The following EFNA5 variants were observed in gnomAD, a reference collection of about 807,000 sequenced individuals.
EFNA5 encodes ephrin A5, also known as ephrin-A5.
A neutral mutation model predicts 22.9 loss-of-function variants in EFNA5; 5 were observed. That is an observed-to-expected ratio of 0.22 (90% CI 0.11 to 0.46). EFNA5 has a LOEUF of 0.46. Among genes scored for constraint, EFNA5 ranks in the 20% least tolerant of loss-of-function variants. The pLI is 0.99. For synonymous variants in EFNA5, 113 were observed against 112.2 expected (o/e 1.01, Z -0.04); for missense variants, 237 against 293.3 (o/e 0.81, Z 1.40).
chr5:107,378,283 C>T lies in EFNA5; in HGVS notation c.*2972G>A, dbSNP rs375752672. ...TAGTCTAAACTAACACGAACTGTTACCTGGTCTATTAAAGGATACACGGTA... is the reference window on the plus strand; with the variant it reads ...TAGTCTAAACTAACACGAACTGTTATCTGGTCTATTAAAGGATACACGGTA... On this transcript the variant is annotated 3_prime_UTR_variant, in exon 5 of 5. Transcript: ENST00000333274. 6.6e-6 allele frequency: 1 copy of T among 151,410 alleles called. No individual in the cohort carries two copies. 9.4% of individuals were successfully genotyped at this position (151,410 alleles called of 1,614,324 possible).
intron 1 of EFNA5, among the ~76,000 whole-genome samples, chr5:107,568,767 A>G (rs1303653523): frequency 6.6e-6 from 1 of 152,224 alleles, no homozygotes; most frequent in Non-Finnish European, 1.5e-5. Flanking sequence ...CAACTAGTTG[A>G]AAAAACATTT....
intron 1 of EFNA5, among the ~76,000 whole-genome samples, chr5:107,662,942 T>A (rs73781154): frequency 6.6e-6 from 1 of 151,944 alleles, no homozygotes; most frequent in Non-Finnish European, 1.5e-5. Flanking sequence ...GAGAAAAAAA[T>A]ATGTATGGAA....
Position 107,670,622 on chromosome 5 carries a change from G to C in EFNA5, c.-9C>G, listed in dbSNP as rs1751173328. On this transcript the variant is annotated 5_prime_UTR_variant, in exon 1 of 5. Coordinates refer to ENST00000333274, the MANE Select transcript of EFNA5 (RefSeq NM_001962.3). The stretch of plus-strand genomic sequence containing the variant: ...ATCTCCACGTGCAACATCACGCCTG[G>C]CCAGCGGCGGAGCCCCCGACGCGCC... 2 of 1,599,706 alleles carry C rather than the reference G, an allele frequency of 1.3e-6. No homozygotes were observed. Among genetic ancestry groups the C allele is most frequent in the Non-Finnish European group, 8.5e-7 (1 of 1,173,830 alleles).
chr5:107,565,758 CTTATATGGT>C (rs1250693408), intron 1 of EFNA5, among the ~76,000 whole-genome samples: 1 of 152,036 alleles, frequency 6.6e-6, no homozygotes, highest in Non-Finnish European at 1.5e-5. Flanking sequence ...TTATTTTTAA[CTTATATGGT>C]TAAATGATTA....
At chr5:107,487,567 A>C (rs190716888) in intron 1 of EFNA5, among the ~76,000 whole-genome samples, 1 of 152,348 alleles carries the variant, frequency 6.6e-6, no homozygotes, top group Non-Finnish European at 1.5e-5. Context: ...TGTTGGATAG[A>C]AGTAAAATGT....
chr5:107,531,472 C>G (rs1374897815), intron 1 of EFNA5, among the ~76,000 whole-genome samples: 1 of 152,228 alleles, frequency 6.6e-6, no homozygotes, highest in Middle Eastern at 3.2e-3. Context: ...CTGGAAGAGA[C>G]TGTTTCAGGA....
In EFNA5 at chr5:107,630,178, GA is replaced by G. The variant is rs370265046; in HGVS notation, c.125+40310del. Among the ~76,000 whole-genome samples, 75 of 152,308 alleles carry G rather than the reference GA, an allele frequency of 4.9e-4. No individual in the cohort carries two copies. In the East Asian group the frequency reaches 0.013, roughly 27 times the overall value. On this transcript the variant is annotated intron_variant, in intron 1 of 4. Coordinates refer to ENST00000333274, the MANE Select transcript of EFNA5 (RefSeq NM_001962.3). ...AGACAATTCTTCCAATGTGGCCAGG[GA>G]AGGCAAAAGATGGAACACCCTGCTC... is the stretch of plus-strand genomic sequence containing the variant.
chr5:107,645,463 A>G (rs551719529), intron 1 of EFNA5, among the ~76,000 whole-genome samples: 2 of 152,364 alleles, frequency 1.3e-5, no homozygotes, highest in South Asian at 4.1e-4. Context: ...ATTTATATCT[A>G]GCAAATCTTG....
intron 1 of EFNA5, among the ~76,000 whole-genome samples, chr5:107,669,641 C>G (rs1468301577): frequency 6.6e-6 from 1 of 152,160 alleles, no homozygotes; most frequent in African/African-American, 2.4e-5. Flanking sequence ...CTCCCGCATA[C>G]CCGGCGGGCT....
chr5:107,556,790 A>AAATAAATATATAAAAT (rs142616864), intron 1 of EFNA5, among the ~76,000 whole-genome samples: 4,948 of 140,554 alleles, frequency 0.035, 239 homozygotes, highest in African/African-American at 0.072. Context: ...ATAAATAAAT[A>AAATAAATATATAAAAT]AAATAAAATA....
intron 1 of EFNA5, among the ~76,000 whole-genome samples, chr5:107,666,972 G>C (rs145061725): frequency 2.0e-5 from 3 of 151,976 alleles, no homozygotes; most frequent in Non-Finnish European, 4.4e-5. Context: ...TTATTTAAAA[G>C]CTTTTTACAT....
At chr5:107,544,998 C>A (rs1319653136) in intron 1 of EFNA5, among the ~76,000 whole-genome samples, 1 of 152,210 alleles carries the variant, frequency 6.6e-6, no homozygotes, top group African/African-American at 2.4e-5. Flanking sequence ...TGATTTGAAG[C>A]CATGTGACTT....
At chr5:107,517,153 G>T (rs1184708049) in intron 1 of EFNA5, among the ~76,000 whole-genome samples, 3 of 148,744 alleles carry the variant, frequency 2.0e-5, no homozygotes, top group Non-Finnish European at 3.0e-5. Context: ...CAATAACACT[G>T]TTACTAAAAA....
chr5:107,589,923 C>T (rs950968617), intron 1 of EFNA5, among the ~76,000 whole-genome samples: 1 of 152,196 alleles, frequency 6.6e-6, no homozygotes. Flanking sequence ...TTCTAGAAAC[C>T]CTGCCAGAAA....
intron 1 of EFNA5, among the ~76,000 whole-genome samples, chr5:107,489,729 T>C (rs141153122): frequency 4.0e-5 from 6 of 151,718 alleles, no homozygotes; most frequent in Non-Finnish European, 7.4e-5. Flanking sequence ...TTTCATATCA[T>C]TTATTTGTGG....
At chr5:107,396,071 G>A (rs1747915978) in intron 2 of EFNA5, among the ~76,000 whole-genome samples, 1 of 152,128 alleles carries the variant, frequency 6.6e-6, no homozygotes, top group Admixed American at 6.5e-5. Context: ...CACTAATGTA[G>A]CATGACAGTA....
intron 1 of EFNA5, among the ~76,000 whole-genome samples, chr5:107,665,236 G>C (rs1464240625): frequency 3.3e-5 from 5 of 152,160 alleles, no homozygotes; most frequent in African/African-American, 1.2e-4. Context: ...TTGGTTCATA[G>C]CAACAGGGGA....
intron 2 of EFNA5, among the ~76,000 whole-genome samples, chr5:107,424,333 A>G (rs1196984634): frequency 2.7e-5 from 4 of 149,124 alleles, no homozygotes; most frequent in Non-Finnish European, 5.9e-5. Flanking sequence ...CAGCCTCCCA[A>G]GTAGCTGAGA....
intron 1 of EFNA5, among the ~76,000 whole-genome samples, chr5:107,553,252 C>T (rs1748337906): frequency 6.6e-6 from 1 of 152,194 alleles, no homozygotes; most frequent in Non-Finnish European, 1.5e-5. Context: ...ATGGGACGAG[C>T]ACTCACTGCC....
Sources: gnomAD v4.1 joint callset for allele counts (sites outside exome capture counted in the v4.1 genomes callset) on GRCh38, gnomAD v4.1.1 for gene constraint, MANE v1.5 for transcripts, NCBI Gene and HGNC (gene_info 2026-07-23, HGNC 2026-07-21) for gene names.